Variants in ARHGAP39 observed in about 807,000 individuals in gnomAD.
ARHGAP39 encodes Rho GTPase activating protein 39.
Under a neutral mutation model 106.9 loss-of-function variants are expected in ARHGAP39, and 44 were observed. The ratio of observed to expected loss-of-function variants is 0.41; its 90% confidence interval spans 0.32 to 0.53. The LOEUF (loss-of-function observed/expected upper bound fraction) is 0.53, where lower values mean the gene tolerates loss of function less well. Ranked by LOEUF, ARHGAP39 falls within the 20% of genes least tolerant of loss-of-function variation. The probability of loss-of-function intolerance (pLI) is 0.21; values close to 1 mark genes in which losing one functional copy is unlikely to be tolerated. For missense variants in ARHGAP39, 1,496 were observed against 1,577.3 expected, an observed-to-expected ratio of 0.95 and a Z score of 0.87; for synonymous variants, 768 against 693.2, an observed-to-expected ratio of 1.11 and a Z score of -1.69.
chr8:144,594,566 C>T (rs967136536), intron 2 of ARHGAP39, among the ~76,000 whole-genome samples: 6 of 151,864 alleles, frequency 4.0e-5, no homozygotes, highest in Admixed American at 2.6e-4. Flanking sequence ...TGATGGTGGG[C>T]GCCTGTAATC....
the ARHGAP39 span, among the ~76,000 whole-genome samples, chr8:144,690,855 G>A: frequency 2.7e-5 from 4 of 146,402 alleles, no homozygotes; most frequent in East Asian, 2.0e-4. Context: ...ACGGGGTTTC[G>A]TCATGTTGCC....
intron 1 of ARHGAP39, among the ~76,000 whole-genome samples, chr8:144,615,819 G>A (rs1189765043): frequency 6.6e-6 from 1 of 152,254 alleles, no homozygotes; most frequent in South Asian, 2.1e-4. Context: ...GCCTGGGCCA[G>A]GCTGGGCAAA....
intron 4 of ARHGAP39, among the ~76,000 whole-genome samples, chr8:144,549,666 T>C (rs996931824): frequency 1.3e-5 from 2 of 152,174 alleles, no homozygotes; most frequent in African/African-American, 4.8e-5. Context: ...CTAATTTTTG[T>C]ATTTTTACTA....
chr8:144,578,001 T>C (rs1180310157), intron 3 of ARHGAP39, among the ~76,000 whole-genome samples: 5 of 152,120 alleles, frequency 3.3e-5, no homozygotes, highest in Non-Finnish European at 2.9e-5. Flanking sequence ...TTTTTTGTTG[T>C]TGTTAAAAGA....
chr8:144,630,837 G>A (rs1821041980), intron 1 of ARHGAP39, among the ~76,000 whole-genome samples: 1 of 152,266 alleles, frequency 6.6e-6, no homozygotes, highest in East Asian at 1.9e-4. Flanking sequence ...ACTGTGAGAA[G>A]TAAGTTTCTG....
Position 144,665,818 on chromosome 8 carries a change from G to A in ARHGAP39, c.-82+19868C>T, listed in dbSNP as rs1160042577. Among the ~76,000 whole-genome samples, 3 of 152,236 alleles carry A rather than the reference G, an allele frequency of 2.0e-5. No individual in the cohort carries two copies. In the East Asian group the frequency reaches 5.8e-4, roughly 29 times the overall value. Reference sequence around the variant, plus strand: ...GAGCCCTCATGGAAAACCTCTGCTAGGGCAGTGCAGAAGGGAAATGTGGGG... The same window carrying A: ...GAGCCCTCATGGAAAACCTCTGCTAAGGCAGTGCAGAAGGGAAATGTGGGG... On this transcript the variant is annotated intron_variant, in intron 1 of 11. Transcript: ENST00000377307.
At chr8:144,602,970 C>G (rs1490746424) in intron 2 of ARHGAP39, among the ~76,000 whole-genome samples, 1 of 77,508 alleles carries the variant, frequency 1.3e-5, no homozygotes, top group Non-Finnish European at 2.3e-5. Flanking sequence ...GGCGTGCGTG[C>G]GAGCTCGTGT....
In ARHGAP39 at chr8:144,585,861, G is replaced by T. The variant is rs765388671; in HGVS notation, c.81-4584C>A. Among the ~76,000 whole-genome samples, 5 of 152,242 alleles carry T rather than the reference G, an allele frequency of 3.3e-5. No homozygotes were observed. The highest frequency in any genetic ancestry group is 5.9e-5 in the Non-Finnish European group (4 of 68,028). On this transcript the variant is annotated intron_variant, in intron 2 of 11. Transcript: ENST00000377307. The surrounding 1 kb of genome is among the most constrained non-coding windows in gnomAD (Gnocchi z 4.6). ...AAATGGCAACTGTTGAAAGGGGCTG[G>T]ACGGGTGCCCTGCCTTCCCCCTGGA...
intron 1 of ARHGAP39, among the ~76,000 whole-genome samples, chr8:144,672,981 C>G (rs1023031116): frequency 3.3e-5 from 5 of 152,236 alleles, no homozygotes; most frequent in East Asian, 3.9e-4. Context: ...CTTTGGGAGG[C>G]AGAAGCGGGA....
At position 144,534,082 on chromosome 8, in the gene ARHGAP39, CTCTG is replaced by C; in HGVS notation, c.2688+43_2688+46del. 3.7e-6 allele frequency: 6 copies of C among 1,601,718 alleles called. No homozygotes were observed. The South Asian group carries it at 5.5e-5, about 15-fold the overall frequency. On this transcript the variant is annotated intron_variant, in intron 8 of 11. Coordinates refer to ENST00000377307, the MANE Select transcript of ARHGAP39 (RefSeq NM_025251.3). ...GCTCCTGGGGCTGTCCACCAAGGGT[CTCTG>C]TGTCCCCGCCTGCCCTCCCCGGCCC...
intron 1 of ARHGAP39, among the ~76,000 whole-genome samples, chr8:144,630,854 A>G (rs1326148744): frequency 6.6e-6 from 1 of 152,280 alleles, no homozygotes; most frequent in Non-Finnish European, 1.5e-5. Context: ...TCTGTTGTCT[A>G]TAAATTACCC....
At chr8:144,592,321 G>A (rs1819436086) in intron 2 of ARHGAP39, among the ~76,000 whole-genome samples, 3 of 133,008 alleles carry the variant, frequency 2.3e-5, no homozygotes. Context: ...AAACCTGAGG[G>A]CACCTCCTGG....
Position 144,585,951 on chromosome 8 carries a change from C to T in ARHGAP39, c.81-4674G>A, listed in dbSNP as rs1819170790. On this transcript the variant is annotated intron_variant, in intron 2 of 11. Coordinates refer to ENST00000377307, the MANE Select transcript of ARHGAP39 (RefSeq NM_025251.3). This position sits in a 1 kb window ranked among gnomAD's most constrained non-coding sequence, Gnocchi z 4.6. Reference sequence around the variant, plus strand: ...CCCCATGGCTCAGCCAGGCTCTCCACTCTTGTTACCTGACCCCCGTGACTC... The same window carrying T: ...CCCCATGGCTCAGCCAGGCTCTCCATTCTTGTTACCTGACCCCCGTGACTC... Among the ~76,000 whole-genome samples, 1 of 152,176 alleles carries T rather than the reference C, an allele frequency of 6.6e-6. No individual in the cohort carries two copies. The highest frequency in any genetic ancestry group is 2.4e-5 in the African/African-American group (1 of 41,446).
intron 7 of ARHGAP39, among the ~76,000 whole-genome samples, chr8:144,537,323 G>A (rs1361539743): frequency 6.6e-6 from 1 of 152,084 alleles, no homozygotes; most frequent in African/African-American, 2.4e-5. Context: ...GGGCAGCCCT[G>A]GGCGGGAAGA....
At chr8:144,621,364 G>C (rs1305685823) in intron 1 of ARHGAP39, among the ~76,000 whole-genome samples, 3 of 152,250 alleles carry the variant, frequency 2.0e-5, no homozygotes, top group Non-Finnish European at 4.4e-5. Flanking sequence ...CTCAAACGCA[G>C]CTTGCCAGTT....
In ARHGAP39 at chr8:144,548,486, G is replaced by C. The variant is rs979985104; in HGVS notation, c.600C>G (p.Thr200=). 1 of 1,608,166 alleles carries C rather than the reference G, an allele frequency of 6.2e-7. No homozygotes were observed. Among genetic ancestry groups the C allele is most frequent in the South Asian group, 1.1e-5 (1 of 90,828 alleles). Reference sequence around the variant, plus strand: ...CGCCCGAGTTCCACCGCAGCGAGGAGGTCCTGCGTGGGGGGTGGACGGGCA... The same window carrying C: ...CGCCCGAGTTCCACCGCAGCGAGGACGTCCTGCGTGGGGGGTGGACGGGCA... ...SADGQLLHYR[T]SSLRWNSGAK... Residue 200 remains threonine (T), a synonymous_variant, in exon 5 of 12, where the codon ACC becomes ACG. Transcript: ENST00000377307. The surrounding 1 kb of genome is among the most constrained non-coding windows in gnomAD (Gnocchi z 7.4).
At chr8:144,587,142 C>T (rs115707782) in intron 2 of ARHGAP39, among the ~76,000 whole-genome samples, 8,071 of 152,328 alleles carry the variant, frequency 0.053, 399 homozygotes, top group African/African-American at 0.13. Context: ...TGGGTGCCCG[C>T]AGCCATGCGG....
chr8:144,612,184 G>A (rs1399546510), intron 1 of ARHGAP39, among the ~76,000 whole-genome samples: 1 of 137,304 alleles, frequency 7.3e-6, no homozygotes. Context: ...AGCCACGGCT[G>A]CGCCGCTGCA....
chr8:144,592,836 G>A (rs1348478526), intron 2 of ARHGAP39, among the ~76,000 whole-genome samples: 1 of 152,222 alleles, frequency 6.6e-6, no homozygotes, highest in African/African-American at 2.4e-5. Context: ...GGACCTCAAG[G>A]ACGGAGGCGT....
Sources: allele counts gnomAD v4.1 joint callset (sites outside exome capture counted in the v4.1 genomes callset), GRCh38; gene constraint gnomAD v4.1.1; non-coding constraint Gnocchi (gnomAD v3.1); transcripts MANE v1.5; gene names NCBI Gene and HGNC (gene_info 2026-07-23, HGNC 2026-07-21).